Variants in CLRN1 observed in about 807,000 individuals in gnomAD.
The protein encoded by CLRN1 is clarin 1.
In CLRN1, 15 loss-of-function variants were observed where a neutral mutation model predicts 18.7. The ratio of observed to expected loss-of-function variants is 0.80; its 90% CI spans 0.54 to 1.23. The LOEUF (loss-of-function observed/expected upper bound fraction) is 1.23. Among genes scored for constraint, CLRN1 ranks in the 50% most tolerant of loss-of-function variants. CLRN1 has a pLI of 0.00. For synonymous variants in CLRN1, 104 were observed against 102.9 expected, an observed-to-expected ratio of 1.01 and a Z score of -0.07; for missense variants, 311 against 277.5, an observed-to-expected ratio of 1.12 and a Z score of -0.86.
At chr3:150,928,266 T>G (rs1712941601) in intron 2 of CLRN1, 65 bp from the exon 3 acceptor site, 1 of 1,584,086 alleles carries the variant, frequency 6.3e-7, no homozygotes, top group Non-Finnish European at 8.6e-7. Context: ...GGGAAGAGGG[T>G]CAATGTGTAA....
intron 1 of CLRN1, among the ~76,000 whole-genome samples, chr3:150,961,135 C>T (rs1373696027): frequency 6.6e-6 from 1 of 152,208 alleles, no homozygotes; most frequent in East Asian, 1.9e-4. Context: ...CAGAAAACCC[C>T]CCAACTGTGT....
intron 1 of CLRN1, among the ~76,000 whole-genome samples, chr3:150,963,128 CTGTT>C (rs1670028789): frequency 6.6e-6 from 1 of 152,208 alleles, no homozygotes; most frequent in South Asian, 2.1e-4. Flanking sequence ...CAAATTGTCT[CTGTT>C]TGCAGATGAG....
Position 150,926,779 on chromosome 3 carries a change from T to G in CLRN1, c.*1157A>C. The G allele has an allele frequency of 3.1e-6, 5 of 1,613,686 alleles. No homozygotes were observed. Among genetic ancestry groups the G allele is most frequent in the Non-Finnish European group, 2.5e-6 (3 of 1,179,892 alleles). On this transcript the variant is annotated 3_prime_UTR_variant, in exon 3 of 3. Transcript: ENST00000327047. ...CAGAGGCCTAGTGATCTGTTTGCTG[T>G]CATTCTCTGCTTTTTCCTTGGTGCT... is the stretch of plus-strand genomic sequence containing the variant.
At chr3:150,928,930 C>T (rs969288315) in intron 2 of CLRN1, among the ~76,000 whole-genome samples, 1 of 152,158 alleles carries the variant, frequency 6.6e-6, no homozygotes, top group East Asian at 1.9e-4. Flanking sequence ...TTCCCCACTT[C>T]CTCCTTCCTG....
chr3:150,948,735 A>G (rs955778867), intron 1 of CLRN1, among the ~76,000 whole-genome samples: 1 of 152,052 alleles, frequency 6.6e-6, no homozygotes. Context: ...CCAACTAAAA[A>G]ATCCCAGGAC....
chr3:150,929,611 T>C (rs1434298651), intron 2 of CLRN1, among the ~76,000 whole-genome samples: 1 of 152,260 alleles, frequency 6.6e-6, no homozygotes, highest in East Asian at 1.9e-4. Flanking sequence ...CATTTGGCTT[T>C]GTAATTGACA....
At chr3:150,957,016 C>T (rs546031193) in intron 1 of CLRN1, among the ~76,000 whole-genome samples, 2 of 152,248 alleles carry the variant, frequency 1.3e-5, no homozygotes, top group South Asian at 4.2e-4. Context: ...CCATCTACAC[C>T]TTCTTTGTGG....
At chr3:150,932,389 C>G (rs1713205947) in intron 2 of CLRN1, among the ~76,000 whole-genome samples, 1 of 152,016 alleles carries the variant, frequency 6.6e-6, no homozygotes, top group Non-Finnish European at 1.5e-5. Context: ...TTTGGCTCCT[C>G]GAAGGGGAAG....
chr3:150,967,406 G>A (rs1333131017), intron 1 of CLRN1, among the ~76,000 whole-genome samples: 2 of 151,658 alleles, frequency 1.3e-5, no homozygotes, highest in African/African-American at 2.4e-5. Context: ...TTTTTTAATG[G>A]GAGGTAAACA....
intron 1 of CLRN1, among the ~76,000 whole-genome samples, chr3:150,942,912 C>T (rs536611635): frequency 3.2e-4 from 48 of 152,140 alleles, no homozygotes; most frequent in African/African-American, 1.1e-3. Context: ...CTTTTGGAAG[C>T]TTGAGTTGCC....
At chr3:150,937,687 G>A (rs1181385524) in intron 2 of CLRN1, among the ~76,000 whole-genome samples, 1 of 152,136 alleles carries the variant, frequency 6.6e-6, no homozygotes, top group East Asian at 1.9e-4. Context: ...ACTTGCATGG[G>A]TTTCATGCAA....
chr3:150,933,020 A>G (rs1334680838), intron 2 of CLRN1, among the ~76,000 whole-genome samples: 1 of 152,252 alleles, frequency 6.6e-6, no homozygotes, highest in Non-Finnish European at 1.5e-5. Context: ...AAGGATGATT[A>G]ATGCAAAGAA....
chr3:150,960,888 C>T (rs891746511), intron 1 of CLRN1, among the ~76,000 whole-genome samples: 23 of 152,248 alleles, frequency 1.5e-4, no homozygotes, highest in Non-Finnish European at 3.2e-4. Flanking sequence ...CAGCTGAAGG[C>T]CTCCCTGCCA....
At chr3:150,933,310 C>T (rs1216702712) in intron 2 of CLRN1, among the ~76,000 whole-genome samples, 6 of 151,748 alleles carry the variant, frequency 4.0e-5, no homozygotes, top group Non-Finnish European at 7.4e-5. Flanking sequence ...TTGATAAGTA[C>T]ATTCAATGGT....
rs574152179 is a variant in CLRN1 at position 150,941,493 on chromosome 3, G to A, written c.433+89C>T. The A allele has an allele frequency of 3.1e-5, 41 of 1,327,694 alleles. 1 individual carries two copies. In the South Asian group the frequency reaches 4.7e-4, roughly 15 times the overall value. The allele number at this position is 1,327,694 out of a possible 1,614,324, so 82.2% of individuals were successfully genotyped here. A position where few individuals can be genotyped will look rare whatever the true frequency, so the allele number is the denominator to read the frequency against. On this transcript the variant is annotated intron_variant, in intron 2 of 2. Coordinates refer to ENST00000327047, the MANE Select transcript of CLRN1 (RefSeq NM_174878.3). ...CTACAGTGTGCATCCATGTATATAT[G>A]TTAAGATTATAACTTTATATTTAGG...
chr3:150,944,133 A>G (rs1237406393), intron 1 of CLRN1: 6 of 473,018 alleles, frequency 1.3e-5, no homozygotes, highest in African/African-American at 3.9e-5. Context: ...TTGAGAAGGA[A>G]ATCACCCTTT....
intron 1 of CLRN1, among the ~76,000 whole-genome samples, chr3:150,958,136 C>T (rs1714846164): frequency 6.6e-6 from 1 of 152,170 alleles, no homozygotes. Context: ...CACAAGTGAT[C>T]AAATTAAACA....
rs763831836 is a variant in CLRN1 at position 150,927,180 on chromosome 3, C to T, written c.*756G>A. ...GGACTCAGGCACGGGAGGAAAAATACCCTAAGCTTGGTTTTTTCTTCTTTT... is the reference window on the plus strand; with the variant it reads ...GGACTCAGGCACGGGAGGAAAAATATCCTAAGCTTGGTTTTTTCTTCTTTT... On this transcript the variant is annotated 3_prime_UTR_variant, in exon 3 of 3. Transcript: ENST00000327047. 5 of 595,704 alleles carry T rather than the reference C, an allele frequency of 8.4e-6. No homozygotes were observed. Among genetic ancestry groups the T allele is most frequent in the South Asian group, 7.6e-5 (5 of 65,842 alleles). 36.9% of individuals were successfully genotyped at this position (595,704 alleles called of 1,614,324 possible). A position where few individuals can be genotyped will look rare whatever the true frequency, so the allele number is the denominator to read the frequency against.
intron 1 of CLRN1, among the ~76,000 whole-genome samples, chr3:150,959,581 A>G (rs2107978813): frequency 6.6e-6 from 1 of 151,086 alleles, no homozygotes; most frequent in Non-Finnish European, 1.5e-5. Context: ...GTGAGCCGAG[A>G]TCACATCACT....
Sources: gnomAD v4.1 joint callset for allele counts (sites outside exome capture counted in the v4.1 genomes callset) on GRCh38, gnomAD v4.1.1 for gene constraint, MANE v1.5 for transcripts, NCBI Gene and HGNC (gene_info 2026-07-23, HGNC 2026-07-21) for gene names.